BDP1: variants seen among roughly 807,000 people sequenced by gnomAD.
The protein encoded by BDP1 is transcription factor TFIIIB component B'' homolog.
In BDP1, 169 loss-of-function variants were observed where a neutral mutation model predicts 266.6. The ratio of observed to expected loss-of-function variants is 0.63; its 90% CI spans 0.56 to 0.72. The LOEUF (loss-of-function observed/expected upper bound fraction) is 0.72. Among genes scored for constraint, BDP1 ranks in the 30% least tolerant of loss-of-function variants. The pLI is 0.00. For missense variants in BDP1, 3,015 were observed against 3,053.8 expected, an observed-to-expected ratio of 0.99 and a Z score of 0.30; for synonymous variants, 1,090 against 1,022.4, an observed-to-expected ratio of 1.07 and a Z score of -1.26.
chr5:71,480,111 A>ATT, intron 7 of BDP1, among the ~76,000 whole-genome samples: 1 of 143,126 alleles, frequency 7.0e-6, no homozygotes, highest in Admixed American at 7.0e-5. Flanking sequence ...TGCCTGGCTA[A>ATT]TTTTTTTTTT....
At chr5:71,478,000 G>A (rs954747918) in intron 7 of BDP1, among the ~76,000 whole-genome samples, 4 of 152,044 alleles carry the variant, frequency 2.6e-5, no homozygotes, top group Non-Finnish European at 4.4e-5. Flanking sequence ...CCTGTAATCC[G>A]AGCACTTTGG....
At chr5:71,539,874 TTTGTATTCATGGAATAG>T (rs1212324926) in intron 28 of BDP1, among the ~76,000 whole-genome samples, 35 of 152,158 alleles carry the variant, frequency 2.3e-4, no homozygotes, top group Admixed American at 1.4e-3. Context: ...TTAAGAATAA[TTTGTATTCATGGAATAG>T]TTGTATGCAT....
At chr5:71,471,637 T>G (rs1330713029) in intron 7 of BDP1, among the ~76,000 whole-genome samples, 2 of 152,216 alleles carry the variant, frequency 1.3e-5, no homozygotes, top group Non-Finnish European at 2.9e-5. Flanking sequence ...AGGATGAGCT[T>G]TCTCTGTTTT....
chr5:71,482,736 C>T (rs1331824446), intron 7 of BDP1, among the ~76,000 whole-genome samples: 3 of 152,066 alleles, frequency 2.0e-5, no homozygotes. Context: ...GTGTTTATAG[C>T]CAATCATTTT....
At position 71,541,459 on chromosome 5, in the gene BDP1, G is replaced by A. The variant is rs753630985; in HGVS notation, c.6028G>A (p.Val2010Ile). ...TTTTTTTTTTTTTTCTTCAGTAGGA[G>A]TATGTATAATTCCTCATGTTCATTC... ...EISSEQGDVG[V>I]CIIPHVHSKD... The change falls in exon 29 of 39, where the codon GTA becomes ATA. Residue 2010 changes from valine (V) to isoleucine (I), a missense_variant. Val to Ile is a conservative substitution (Grantham distance 29, BLOSUM62 3). Coordinates refer to ENST00000358731, the MANE Select transcript of BDP1 (RefSeq NM_018429.3). 3.2e-6 allele frequency: 4 copies of A among 1,258,508 alleles called. No homozygotes were observed. Among genetic ancestry groups the A allele is most frequent in the South Asian group, 3.0e-5 (2 of 66,730 alleles). The allele number at this position is 1,258,508 out of a possible 1,614,324, so 78.0% of individuals were successfully genotyped here. A position where few individuals can be genotyped will look rare whatever the true frequency, so the allele number is the denominator to read the frequency against.
intron 9 of BDP1, among the ~76,000 whole-genome samples, chr5:71,487,879 G>C (rs1455519238): frequency 6.6e-6 from 1 of 152,196 alleles, no homozygotes; most frequent in Non-Finnish European, 1.5e-5. Context: ...CATGGCCCAA[G>C]GGCCAACCTT....
intron 18 of BDP1, 55 bp from the exon 19 acceptor site, chr5:71,513,130 C>A: frequency 7.7e-7 from 1 of 1,303,378 alleles, no homozygotes; most frequent in East Asian, 2.3e-5. Context: ...ACTGAGACTC[C>A]GTTTCCACTG....
chr5:71,546,910 A>G (rs1742362600), intron 32 of BDP1, among the ~76,000 whole-genome samples: 1 of 152,048 alleles, frequency 6.6e-6, no homozygotes, highest in South Asian at 2.1e-4. Context: ...CAGTGGCACG[A>G]TCTCAGCTCA....
chr5:71,485,597 A>AT (rs1763218212), intron 8 of BDP1, among the ~76,000 whole-genome samples: 2 of 152,268 alleles, frequency 1.3e-5, no homozygotes, highest in East Asian at 3.9e-4. Flanking sequence ...TCTTTGGCTT[A>AT]TGTGCATAGA....
At chr5:71,463,443 A>C (rs1199678540) in intron 3 of BDP1, among the ~76,000 whole-genome samples, 2 of 152,180 alleles carry the variant, frequency 1.3e-5, no homozygotes, top group African/African-American at 2.4e-5. Context: ...GTTGTTTAAC[A>C]TCCAGGAGTT....
At chr5:71,504,209 C>T (rs1764431596) in intron 15 of BDP1, among the ~76,000 whole-genome samples, 2 of 148,498 alleles carry the variant, frequency 1.3e-5, no homozygotes, top group East Asian at 4.0e-4. Flanking sequence ...GGAGGCAGAG[C>T]TTGCAGTGAG....
chr5:71,562,582 AG>A, intron 38 of BDP1, 62 bp downstream of exon 38: 4 of 1,546,700 alleles, frequency 2.6e-6, no homozygotes, highest in Non-Finnish European at 3.5e-6. Context: ...AGATTCAACT[AG>A]GGAAAACATA....
At position 71,509,591 on chromosome 5, in the gene BDP1, A is replaced by G. The variant is rs1234767918; in HGVS notation, c.2499A>G (p.Val833=). Residue 833 remains valine (V), a synonymous_variant, in exon 17 of 39, where the codon GTA becomes GTG. Coordinates refer to ENST00000358731, the MANE Select transcript of BDP1 (RefSeq NM_018429.3). ...GAGAAATTTCCTCAAAGGAAGAGGT[A>G]CTAGAGAAGATTCTTGTCTCTGGGG... ...GRREISSKEE[V]LEKILVSGEM... 1 of 1,613,824 alleles carries G rather than the reference A, an allele frequency of 6.2e-7. No homozygotes were observed. Among genetic ancestry groups the G allele is most frequent in the South Asian group, 1.1e-5 (1 of 91,008 alleles).
At chr5:71,551,093 AGTT>A (rs770228861) in intron 34 of BDP1, among the ~76,000 whole-genome samples, 1 of 109,766 alleles carries the variant, frequency 9.1e-6, no homozygotes, top group Admixed American at 1.2e-4. Flanking sequence ...ATTATTTTTT[AGTT>A]GTTTATTTAT....
chr5:71,563,204 G>A (rs1743802683), intron 38 of BDP1, among the ~76,000 whole-genome samples: 1 of 152,156 alleles, frequency 6.6e-6, no homozygotes, highest in South Asian at 2.1e-4. Context: ...CTGTAGTGCA[G>A]TGGCGTGATC....
intron 7 of BDP1, among the ~76,000 whole-genome samples, chr5:71,477,414 GCTGGCGTTACAGGCATGAGACA>G (rs1561684362): frequency 6.6e-6 from 1 of 152,106 alleles, no homozygotes. Context: ...CTCTCAAAGT[GCTGGCGTTACAGGCATGAGACA>G]CTGCACTTAG....
At chr5:71,458,913 A>T in intron 2 of BDP1, 58 bp downstream of exon 2, 1 of 1,512,298 alleles carries the variant, frequency 6.6e-7, no homozygotes, top group Non-Finnish European at 8.9e-7. Flanking sequence ...GTAAGGAATC[A>T]TTGGGAAGAA....
chr5:71,471,725 A>G (rs1424805087), intron 7 of BDP1, among the ~76,000 whole-genome samples: 1 of 152,208 alleles, frequency 6.6e-6, no homozygotes, highest in Non-Finnish European at 1.5e-5. Flanking sequence ...CTATGTTGCC[A>G]TAATGCATTC....
intron 6 of BDP1, among the ~76,000 whole-genome samples, chr5:71,468,362 C>G (rs1370027211): frequency 1.3e-5 from 2 of 151,978 alleles, no homozygotes; most frequent in Non-Finnish European, 2.9e-5. Flanking sequence ...AGTATGTTGC[C>G]CAGGCTGGTC....
Sources: allele counts gnomAD v4.1 joint callset (sites outside exome capture counted in the v4.1 genomes callset), GRCh38; gene constraint gnomAD v4.1.1; transcripts MANE v1.5; gene names NCBI Gene and HGNC (gene_info 2026-07-23, HGNC 2026-07-21).